The following TSNARE1 variants were observed in gnomAD, a reference collection of about 807,000 sequenced individuals.
The protein encoded by TSNARE1 is t-SNARE domain-containing protein 1.
TSNARE1 carries 49 observed loss-of-function variants against 62.0 expected under a neutral mutation model. The observed-to-expected ratio is 0.79, with a 90% confidence interval of 0.63 to 1.00. The LOEUF (loss-of-function observed/expected upper bound fraction) is 1.00, where lower values mean the gene tolerates loss of function less well. TSNARE1 is among the 50% of genes least tolerant of loss of function. TSNARE1 has a pLI of 0.00. For synonymous variants in TSNARE1, 328 were observed against 294.4 expected (o/e 1.11, Z -1.17); for missense variants, 755 against 700.1 (o/e 1.08, Z -0.88).
At chr8:142,223,712 C>G (rs1816644722) in intron 13 of TSNARE1, among the ~76,000 whole-genome samples, 1 of 152,150 alleles carries the variant, frequency 6.6e-6, no homozygotes, top group Non-Finnish European at 1.5e-5. Flanking sequence ...GATCACATCC[C>G]CAGGAGTTCA....
At chr8:142,219,555 G>T (rs1180101006) in intron 13 of TSNARE1, among the ~76,000 whole-genome samples, 1 of 152,220 alleles carries the variant, frequency 6.6e-6, no homozygotes, top group Non-Finnish European at 1.5e-5. Context: ...CAGGGCCATG[G>T]GCCACAGGGA....
chr8:142,401,863 C>T lies in TSNARE1; in HGVS notation c.-40+1241G>A, dbSNP rs1294539244. 3.9e-5 allele frequency among the ~76,000 whole-genome samples: 6 copies of T among 152,118 alleles called. No homozygotes were observed. The East Asian group carries it at 9.6e-4, about 24-fold the overall frequency. On this transcript the variant is annotated intron_variant, in intron 1 of 13. Coordinates refer to ENST00000524325, the MANE Select transcript of TSNARE1 (RefSeq NM_145003.5). Reference sequence around the variant, plus strand: ...CGGTCCTGTGATGTATGGGGTCGAACGGTATGAAAGCAGCGGTTCAGTCGG... The same window carrying T: ...CGGTCCTGTGATGTATGGGGTCGAATGGTATGAAAGCAGCGGTTCAGTCGG...
chr8:142,323,726 CTA>C (rs1015204003), intron 6 of TSNARE1, among the ~76,000 whole-genome samples: 17 of 152,230 alleles, frequency 1.1e-4, no homozygotes, highest in Non-Finnish European at 2.2e-4. Flanking sequence ...ACCATCCTCA[CTA>C]GAAAATGGAC....
chr8:142,281,743 G>A (rs1351408783), intron 11 of TSNARE1, among the ~76,000 whole-genome samples: 1 of 152,062 alleles, frequency 6.6e-6, no homozygotes, highest in Admixed American at 6.5e-5. Flanking sequence ...GCGGGTGGGG[G>A]CGCTGGGGAG....
In TSNARE1 at chr8:142,266,027, T is replaced by G. The variant is rs1271697372; in HGVS notation, c.1446+8754A>C. On this transcript the variant is annotated intron_variant, in intron 12 of 13. Transcript: ENST00000524325. The stretch of plus-strand genomic sequence containing the variant: ...GTCACTGGCTTCTCTTTTCATTCCC[T>G]TAACAGGATCTCTTGCAGAACAGAA... 5.9e-5 allele frequency among the ~76,000 whole-genome samples: 9 copies of G among 152,364 alleles called. No individual in the cohort carries two copies. In the East Asian group the frequency reaches 1.7e-3, roughly 29 times the overall value.
At chr8:142,222,258 TCATC>T (rs1816336624) in intron 13 of TSNARE1, among the ~76,000 whole-genome samples, 2 of 25,024 alleles carry the variant, frequency 8.0e-5, no homozygotes, top group African/African-American at 1.1e-4. Flanking sequence ...ACTCATCCAC[TCATC>T]CACTCACTCA....
chr8:142,335,429 G>A (rs13255652), intron 4 of TSNARE1, among the ~76,000 whole-genome samples: 24,096 of 152,102 alleles, frequency 0.16, 2,052 homozygotes, highest in East Asian at 0.29. Context: ...CTGTGTGGCC[G>A]ATCCACCACA....
chr8:142,274,699 C>T, intron 12 of TSNARE1, 82 bp downstream of exon 12: 1 of 1,407,876 alleles, frequency 7.1e-7, no homozygotes, highest in Non-Finnish European at 9.3e-7. Context: ...GCCTGGGCCC[C>T]TCCAGACAGA....
intron 1 of TSNARE1, chr8:142,402,646 C>T (rs761884957): frequency 6.6e-6 from 1 of 152,596 alleles, no homozygotes; most frequent in Non-Finnish European, 1.5e-5. Flanking sequence ...AACGGGGTCC[C>T]CAGCTCAGGC....
At chr8:142,383,646 C>T (rs373152318) in intron 1 of TSNARE1, among the ~76,000 whole-genome samples, 23 of 152,144 alleles carry the variant, frequency 1.5e-4, no homozygotes, top group African/African-American at 5.1e-4. Context: ...AGTGTGGACA[C>T]GTATTTGCTA....
At chr8:142,303,539 GA>G (rs1826133792) in intron 9 of TSNARE1, among the ~76,000 whole-genome samples, 1 of 152,208 alleles carries the variant, frequency 6.6e-6, no homozygotes, top group South Asian at 2.1e-4. Context: ...TTCTTTCCAG[GA>G]ACACCCATGG....
chr8:142,322,820 G>A (rs1586798357), intron 6 of TSNARE1, among the ~76,000 whole-genome samples: 1 of 152,238 alleles, frequency 6.6e-6, no homozygotes, highest in African/African-American at 2.4e-5. Flanking sequence ...TCTGTGGGTT[G>A]GACAACGATA....
intron 1 of TSNARE1, among the ~76,000 whole-genome samples, chr8:142,386,946 C>T (rs1837153836): frequency 6.6e-6 from 1 of 152,158 alleles, no homozygotes; most frequent in African/African-American, 2.4e-5. Context: ...AATAACACAA[C>T]TAAGGCGGTA....
At position 142,344,056 on chromosome 8, in the gene TSNARE1, G is replaced by C. The variant is rs1386119819; in HGVS notation, c.655C>G (p.Leu219Val). The C allele has an allele frequency of 6.3e-7, 1 of 1,597,372 alleles. No homozygotes were observed. ...PSPGSGKPQA[L>V]ALTPVEQVVA... ...ACCTGCTCCACGGGCGTGAGAGCCAGGGCCTGGGGCTTGCCGGAACCAGGG... is the reference window on the plus strand; with the variant it reads ...ACCTGCTCCACGGGCGTGAGAGCCACGGCCTGGGGCTTGCCGGAACCAGGG... The change falls in exon 4 of 14, where the codon CTG (leucine) becomes GTG (valine). Residue 219 changes from leucine (L) to valine (V), a missense_variant. Coordinates refer to ENST00000524325, the MANE Select transcript of TSNARE1 (RefSeq NM_145003.5).
intron 1 of TSNARE1, among the ~76,000 whole-genome samples, chr8:142,386,767 A>C (rs961934754): frequency 1.3e-5 from 2 of 152,222 alleles, no homozygotes. Flanking sequence ...CTTGAGAATA[A>C]AAATGTAATA....
At chr8:142,290,865 G>T (rs1160252234) in intron 10 of TSNARE1, among the ~76,000 whole-genome samples, 1 of 152,226 alleles carries the variant, frequency 6.6e-6, no homozygotes, top group Non-Finnish European at 1.5e-5. Flanking sequence ...TCTGAGCTCT[G>T]TACCTGGGTC....
At chr8:142,376,366 C>T (rs1836340704) in intron 1 of TSNARE1, among the ~76,000 whole-genome samples, 1 of 152,216 alleles carries the variant, frequency 6.6e-6, no homozygotes, top group South Asian at 2.1e-4. Flanking sequence ...ACTTTGAAAT[C>T]CTGCCTCTAA....
At chr8:142,218,174 G>C (rs1218657546) in intron 13 of TSNARE1, among the ~76,000 whole-genome samples, 3 of 133,292 alleles carry the variant, frequency 2.3e-5, no homozygotes, top group Non-Finnish European at 3.3e-5. Flanking sequence ...TCAGGCCTCA[G>C]TGTGACCAGG....
At chr8:142,272,513 G>T in intron 12 of TSNARE1, 2 of 247,870 alleles carry the variant, frequency 8.1e-6, no homozygotes, top group Non-Finnish European at 9.8e-6. Flanking sequence ...TCCACCACCC[G>T]TCTACAGCTT....
Sources: gnomAD v4.1 joint callset for allele counts (sites outside exome capture counted in the v4.1 genomes callset) on GRCh38, gnomAD v4.1.1 for gene constraint, MANE v1.5 for transcripts, NCBI Gene and HGNC (gene_info 2026-07-23, HGNC 2026-07-21) for gene names.